NUMB: variants seen among roughly 807,000 people sequenced by gnomAD.
NUMB encodes protein numb homolog.
A neutral mutation model predicts 59.7 loss-of-function variants in NUMB; 29 were observed. The ratio of observed to expected loss-of-function variants is 0.49; its 90% confidence interval spans 0.36 to 0.66. The LOEUF (loss-of-function observed/expected upper bound fraction) is 0.66. Among genes scored for constraint, NUMB ranks in the 30% least tolerant of loss-of-function variants. The pLI, the probability that NUMB is intolerant of heterozygous loss-of-function variation, is 0.00. For synonymous variants in NUMB, 288 were observed against 288.2 expected (o/e 1.00, Z 0.01); for missense variants, 723 against 822.0 (o/e 0.88, Z 1.47).
intron 6 of NUMB, among the ~76,000 whole-genome samples, chr14:73,306,656 C>A (rs1356189942): frequency 1.3e-5 from 2 of 152,224 alleles, no homozygotes; most frequent in Non-Finnish European, 2.9e-5. Flanking sequence ...TTTTTAGGCT[C>A]AGCCCTAGGT....
chr14:73,318,550 A>G (rs868728252), intron 5 of NUMB, among the ~76,000 whole-genome samples: 2 of 152,244 alleles, frequency 1.3e-5, no homozygotes, highest in Non-Finnish European at 2.9e-5. Context: ...ATCTTGGACT[A>G]GAGTTAAGCA....
At position 73,277,207 on chromosome 14, in the gene NUMB, A is replaced by G; in HGVS notation, c.1327T>C (p.Trp443Arg). The change falls in exon 13 of 13, where the codon TGG (tryptophan) becomes CGG (arginine). Residue 443 changes from tryptophan (W) to arginine (R), a missense_variant. Trp to Arg is a moderately radical substitution (Grantham distance 101). This residue lies in a region of NUMB where 406 missense variants were observed against 385.4 expected (regional missense o/e 1.05). Transcript: ENST00000555238. ...HRRTPSEADR[W>R]LEEVSKSVRA... is the part of the protein sequence containing the mutation. ...ACGCTCTTAGACACCTCTTCTAACC[A>G]TCGGTCGGCCTCAGAGGGAGTACGT... is the stretch of plus-strand genomic sequence containing the variant. The G allele has an allele frequency of 6.2e-7, 1 of 1,614,058 alleles. No homozygotes were observed. Among genetic ancestry groups the G allele is most frequent in the South Asian group, 1.1e-5 (1 of 91,076 alleles).
chr14:73,411,527 G>A (rs913371566), intron 1 of NUMB, among the ~76,000 whole-genome samples: 3 of 152,158 alleles, frequency 2.0e-5, no homozygotes, highest in Non-Finnish European at 4.4e-5. Context: ...TTACAAAACT[G>A]TAAATATGTG....
chr14:73,388,305 C>A (rs1895659410), intron 2 of NUMB, among the ~76,000 whole-genome samples: 1 of 152,092 alleles, frequency 6.6e-6, no homozygotes, highest in African/African-American at 2.4e-5. Flanking sequence ...TGGACTAATA[C>A]ATTAAGAATT....
At chr14:73,318,841 TATA>T (rs1280721935) in intron 5 of NUMB, among the ~76,000 whole-genome samples, 2 of 150,270 alleles carry the variant, frequency 1.3e-5, no homozygotes, top group Non-Finnish European at 2.9e-5. Context: ...CTTGTTTAGT[TATA>T]ATATTTTTTT....
At chr14:73,345,672 A>G (rs1892880233) in intron 4 of NUMB, among the ~76,000 whole-genome samples, 1 of 152,096 alleles carries the variant, frequency 6.6e-6, no homozygotes, top group Non-Finnish European at 1.5e-5. Context: ...GCACTTTGGG[A>G]GGCCGAGGGT....
intron 4 of NUMB, among the ~76,000 whole-genome samples, chr14:73,341,298 T>C (rs1329020824): frequency 6.6e-6 from 1 of 152,108 alleles, no homozygotes; most frequent in East Asian, 1.9e-4. Flanking sequence ...AACGGAACAA[T>C]AAATTTATGA....
intron 6 of NUMB, 72 bp downstream of exon 6, chr14:73,316,318 A>T: frequency 2.2e-6 from 3 of 1,336,880 alleles, no homozygotes; most frequent in East Asian, 2.3e-5. Context: ...TACTAGTTTT[A>T]AAAAATATGT....
intron 1 of NUMB, among the ~76,000 whole-genome samples, chr14:73,431,142 A>G (rs1595031788): frequency 6.6e-6 from 1 of 151,430 alleles, no homozygotes; most frequent in African/African-American, 2.4e-5. Context: ...TTTTTAGTAG[A>G]GATGGGGTTT....
chr14:73,304,565 C>T lies in NUMB; in HGVS notation c.235-7280G>A, dbSNP rs537144019. Among the ~76,000 whole-genome samples, 10 of 152,230 alleles carry T rather than the reference C, an allele frequency of 6.6e-5. No individual in the cohort carries two copies. In the East Asian group the frequency reaches 1.9e-3, roughly 29 times the overall value. ...TCAAGTGATCCTCCCACCTCAGCCTCCCAAAGTATTAGGATTACAGATGTG... is the reference window on the plus strand; with the variant it reads ...TCAAGTGATCCTCCCACCTCAGCCTTCCAAAGTATTAGGATTACAGATGTG... On this transcript the variant is annotated intron_variant, in intron 6 of 12. Transcript: ENST00000555238.
intron 2 of NUMB, among the ~76,000 whole-genome samples, chr14:73,391,459 ATTAT>A (rs914397322): frequency 1.3e-5 from 2 of 152,140 alleles, no homozygotes; most frequent in East Asian, 1.9e-4. Context: ...TCAGGGGTTT[ATTAT>A]TTAATTAAAT....
intron 4 of NUMB, among the ~76,000 whole-genome samples, chr14:73,336,322 TAC>T (rs1203403949): frequency 6.6e-6 from 1 of 152,152 alleles, no homozygotes; most frequent in East Asian, 1.9e-4. Flanking sequence ...AGAATTGGAG[TAC>T]AGTTATTTTG....
chr14:73,344,779 C>T (rs560623152), intron 4 of NUMB, among the ~76,000 whole-genome samples: 1 of 152,194 alleles, frequency 6.6e-6, no homozygotes, highest in African/African-American at 2.4e-5. Context: ...CAGAATTTAC[C>T]CAATAGAAGA....
At position 73,277,199 on chromosome 14, in the gene NUMB, T is replaced by C; in HGVS notation, c.1335A>G (p.Glu445=). 1 of 1,614,094 alleles carries C rather than the reference T, an allele frequency of 6.2e-7. No homozygotes were observed. Among genetic ancestry groups the C allele is most frequent in the Non-Finnish European group, 8.5e-7 (1 of 1,180,022 alleles). ...GAGCCCGGACGCTCTTAGACACCTC[T>C]TCTAACCATCGGTCGGCCTCAGAGG... ...RTPSEADRWL[E]EVSKSVRAQQ... Residue 445 remains glutamate, a synonymous_variant, in exon 13 of 13, where the codon GAA becomes GAG. Coordinates refer to ENST00000555238, the MANE Select transcript of NUMB (RefSeq NM_001005743.2).
At chr14:73,394,877 G>C (rs918312889) in intron 2 of NUMB, among the ~76,000 whole-genome samples, 3 of 151,828 alleles carry the variant, frequency 2.0e-5, no homozygotes, top group Non-Finnish European at 2.9e-5. Flanking sequence ...TTTATATTCA[G>C]AATAAAAGTC....
chr14:73,326,935 G>C (rs1267611972), intron 4 of NUMB, among the ~76,000 whole-genome samples: 2 of 152,122 alleles, frequency 1.3e-5, no homozygotes, highest in Admixed American at 1.3e-4. Flanking sequence ...CACACAGCTA[G>C]TCAGGGAAGA....
chr14:73,365,374 G>A (rs1048573374), intron 3 of NUMB, among the ~76,000 whole-genome samples: 2 of 152,112 alleles, frequency 1.3e-5, no homozygotes, highest in South Asian at 2.1e-4. Context: ...AAGAGAAAGC[G>A]AATTTACTGA....
At chr14:73,448,135 T>C (rs1223986739) in intron 1 of NUMB, among the ~76,000 whole-genome samples, 1 of 151,968 alleles carries the variant, frequency 6.6e-6, no homozygotes, top group Non-Finnish European at 1.5e-5. Flanking sequence ...CTGCTTTCCT[T>C]GCAAGAGTTA....
At chr14:73,352,795 G>C (rs931598020) in intron 4 of NUMB, among the ~76,000 whole-genome samples, 3 of 149,154 alleles carry the variant, frequency 2.0e-5, no homozygotes, top group Admixed American at 1.3e-4. Flanking sequence ...GCCCGCCCTG[G>C]CCTCCCAAAG....
Sources: gnomAD v4.1 joint callset for allele counts (sites outside exome capture counted in the v4.1 genomes callset) on GRCh38, gnomAD v4.1.1 for gene constraint, gnomAD v4.1.1 regional missense constraint, MANE v1.5 for transcripts, NCBI Gene and HGNC (gene_info 2026-07-23, HGNC 2026-07-21) for gene names.